The following HEATR4 variants were observed in gnomAD, a reference collection of about 807,000 sequenced individuals.
The protein encoded by HEATR4 is HEAT repeat-containing protein 4.
Under a neutral mutation model 108.8 loss-of-function variants are expected in HEATR4, and 95 were observed. The ratio of observed to expected loss-of-function variants is 0.87; its 90% CI spans 0.74 to 1.04. HEATR4 has a LOEUF of 1.04. HEATR4 is among the 50% of genes least tolerant of loss of function. The pLI is 0.00. For missense variants in HEATR4, 1,152 were observed against 1,253.8 expected, an observed-to-expected ratio of 0.92 and a Z score of 1.23; for synonymous variants, 443 against 459.4, an observed-to-expected ratio of 0.96 and a Z score of 0.46.
At chr14:73,624,749 G>A in the HEATR4 span, among the ~76,000 whole-genome samples, 1 of 152,206 alleles carries the variant, frequency 6.6e-6, no homozygotes, top group African/African-American at 2.4e-5. Context: ...TTAGTAAGTA[G>A]TGCAGCCTGG....
In HEATR4 at chr14:73,498,246, G is replaced by C. The variant is rs746016844; in HGVS notation, c.2455C>G (p.Arg819Gly). Residue 819 changes from arginine (R) to glycine (G), a missense_variant, in exon 14 of 18, where the codon CGT becomes GGT. Coordinates refer to ENST00000553558, the MANE Select transcript of HEATR4 (RefSeq NM_001220484.1). ...ESPGVRLEAC[R>G]SILALKLQGD... ...TGAAGTTTCAGGGCTAGGATGCTACGGCAAGCTTCCAGCCGTACACCTGGT... is the reference window on the plus strand; with the variant it reads ...TGAAGTTTCAGGGCTAGGATGCTACCGCAAGCTTCCAGCCGTACACCTGGT... 1 of 1,614,102 alleles carries C rather than the reference G, an allele frequency of 6.2e-7. No individual in the cohort carries two copies. Among genetic ancestry groups the C allele is most frequent in the South Asian group, 1.1e-5 (1 of 91,062 alleles).
In HEATR4 at chr14:73,546,231, T is replaced by C. The variant is rs1323139353; in HGVS notation, c.-152+12520A>G. 1.7e-5 allele frequency among the ~76,000 whole-genome samples: 2 copies of C among 114,436 alleles called. 1 individual carries two copies. Among genetic ancestry groups the C allele is most frequent in the African/African-American group, 5.7e-5 (2 of 35,290 alleles). The allele number at this position is 114,436 out of a possible 152,430, so 75.1% of individuals were successfully genotyped here. ...CCTGACCTCAGGTGATACACCCGGCTTGGCCTCCCAAAGTGCCAGGATTAT... is the reference window on the plus strand; with the variant it reads ...CCTGACCTCAGGTGATACACCCGGCCTGGCCTCCCAAAGTGCCAGGATTAT... On this transcript the variant is annotated intron_variant, in intron 1 of 17. Coordinates refer to ENST00000553558, the MANE Select transcript of HEATR4 (RefSeq NM_001220484.1).
rs1460077372 is a variant in HEATR4, at chr14:73,538,682, AAAC to A, written c.-151-8441_-151-8439del. Reference sequence around the variant, plus strand: ...CATAATATTAAAAACAAACAAAACAAAACAAAAAAAACAGGCCGGACGCGGTGG... The same window carrying A: ...CATAATATTAAAAACAAACAAAACAAAAAAAAAACAGGCCGGACGCGGTGG... On this transcript the variant is annotated intron_variant, in intron 1 of 17. Coordinates refer to ENST00000553558, the MANE Select transcript of HEATR4 (RefSeq NM_001220484.1). Among the ~76,000 whole-genome samples the A allele has an allele frequency of 1.4e-4, 16 of 112,074 alleles. 4 individuals carry two copies. The highest frequency in any genetic ancestry group is 4.6e-4 in the African/African-American group (16 of 34,444). The allele number at this position is 112,074 out of a possible 152,430, so 73.5% of individuals were successfully genotyped here. A position where few individuals can be genotyped will look rare whatever the true frequency, so the allele number is the denominator to read the frequency against.
At chr14:73,515,075 A>C (rs1392291627) in intron 5 of HEATR4, among the ~76,000 whole-genome samples, 1 of 151,846 alleles carries the variant, frequency 6.6e-6, no homozygotes, top group Non-Finnish European at 1.5e-5. Flanking sequence ...TCTCAAAAAA[A>C]AAAAACAAAA....
the HEATR4 span, chr14:73,611,744 C>T: frequency 3.9e-5 from 6 of 152,160 alleles, no homozygotes. Flanking sequence ...TGCTAAAGAT[C>T]ACCAGGTATT....
the HEATR4 span, among the ~76,000 whole-genome samples, chr14:73,597,839 G>C: frequency 6.6e-6 from 1 of 151,328 alleles, no homozygotes; most frequent in Non-Finnish European, 1.5e-5. Flanking sequence ...TGATCCATCT[G>C]CCTCGGCTTC....
chr14:73,608,812 A>T, the HEATR4 span, among the ~76,000 whole-genome samples: 1 of 152,210 alleles, frequency 6.6e-6, no homozygotes, highest in South Asian at 2.1e-4. Flanking sequence ...TAATTGACTC[A>T]CAGTTCAGCA....
At chr14:73,582,525 G>T in the HEATR4 span, 1 of 151,692 alleles carries the variant, frequency 6.6e-6, no homozygotes, top group Admixed American at 6.6e-5. Flanking sequence ...AAGCAAAGCT[G>T]TCTTCATTAG....
intron 1 of HEATR4, chr14:73,541,598 T>G: frequency 8.0e-7 from 1 of 1,244,266 alleles, no homozygotes; most frequent in Non-Finnish European, 1.1e-6. Flanking sequence ...GTGATGGCTC[T>G]GGCTTACTAT....
chr14:73,625,765 T>C, the HEATR4 span, among the ~76,000 whole-genome samples: 2,380 of 152,290 alleles, frequency 0.016, 53 homozygotes, highest in African/African-American at 0.051. Flanking sequence ...ACTTAATAAA[T>C]GTTGTGTGTG....
chr14:73,486,439 C>T lies in HEATR4; in HGVS notation c.2844+6627G>A, dbSNP rs767041785. Among the ~76,000 whole-genome samples the T allele has an allele frequency of 3.3e-5, 5 of 152,014 alleles. No individual in the cohort carries two copies. In the South Asian group the frequency reaches 8.3e-4, roughly 25 times the overall value. ...GAGGCTGGGTGTGGTGGCTCACGCC[C>T]GTAATTCCAGCACTTTGGGAGACTG... is the stretch of plus-strand genomic sequence containing the variant. On this transcript the variant is annotated intron_variant, in intron 17 of 17. Transcript: ENST00000553558.
the HEATR4 span, among the ~76,000 whole-genome samples, chr14:73,607,457 T>G: frequency 6.6e-6 from 1 of 152,166 alleles, no homozygotes; most frequent in Non-Finnish European, 1.5e-5. Flanking sequence ...ATTTTTCCCT[T>G]CTAGGCCTCC....
rs1426146175 is a variant in HEATR4, at chr14:73,532,124, G to A, written c.-151-1880C>T. Among the ~76,000 whole-genome samples the A allele has an allele frequency of 1.7e-5, 2 of 116,030 alleles. 1 individual carries two copies. The highest frequency in any genetic ancestry group is 3.8e-5 in the Non-Finnish European group (2 of 53,108). The allele number at this position is 116,030 out of a possible 152,430, so 76.1% of individuals were successfully genotyped here. A position where few individuals can be genotyped will look rare whatever the true frequency, so the allele number is the denominator to read the frequency against. ...TAAATCCTGAGAAAGAGGCAAAGCAGGGAACACATGACCACATAGCTCTGG... is the reference window on the plus strand; with the variant it reads ...TAAATCCTGAGAAAGAGGCAAAGCAAGGAACACATGACCACATAGCTCTGG... On this transcript the variant is annotated intron_variant, in intron 1 of 17. Coordinates refer to ENST00000553558, the MANE Select transcript of HEATR4 (RefSeq NM_001220484.1).
Position 73,531,946 on chromosome 14 carries a change from C to T in HEATR4, c.-151-1702G>A, listed in dbSNP as rs1888720930. 4.4e-5 allele frequency among the ~76,000 whole-genome samples: 5 copies of T among 114,400 alleles called. 2 individuals are homozygous for T. The allele number at this position is 114,400 out of a possible 152,430, so 75.1% of individuals were successfully genotyped here. A position where few individuals can be genotyped will look rare whatever the true frequency, so the allele number is the denominator to read the frequency against. On this transcript the variant is annotated intron_variant, in intron 1 of 17. Coordinates refer to ENST00000553558, the MANE Select transcript of HEATR4 (RefSeq NM_001220484.1). Reference sequence around the variant, plus strand: ...ACTTGGGAGGCTGAGGCAGGAGAATCGCCTGGACCCAGGAAGCAGAGGTTG... The same window carrying T: ...ACTTGGGAGGCTGAGGCAGGAGAATTGCCTGGACCCAGGAAGCAGAGGTTG...
chr14:73,509,864 ATATATTTATTTATT>A (rs1887122266), intron 7 of HEATR4, among the ~76,000 whole-genome samples: 3 of 67,830 alleles, frequency 4.4e-5, no homozygotes, highest in Non-Finnish European at 9.0e-5. Context: ...ATATATATAT[ATATATTTATTTATT>A]TTATATATTT....
intron 1 of HEATR4, among the ~76,000 whole-genome samples, chr14:73,546,607 G>T (rs1221782856): frequency 8.8e-6 from 1 of 114,258 alleles, no homozygotes; most frequent in African/African-American, 2.8e-5. Flanking sequence ...CAAGCAGTCT[G>T]TCCATCTTGG....
the HEATR4 span, chr14:73,569,769 G>A: frequency 5.0e-6 from 8 of 1,607,352 alleles, no homozygotes; most frequent in Non-Finnish European, 5.9e-6. Flanking sequence ...CCACGACCCC[G>A]ACCCCGGGCG....
the HEATR4 span, among the ~76,000 whole-genome samples, chr14:73,606,147 G>A: frequency 3.0e-3 from 449 of 151,906 alleles, 3 homozygotes; most frequent in African/African-American, 0.011. Context: ...CCCTGACGTC[G>A]GGAGTTCAAG....
intron 1 of HEATR4, among the ~76,000 whole-genome samples, chr14:73,556,069 T>A (rs1397848866): frequency 8.7e-6 from 1 of 114,324 alleles, no homozygotes; most frequent in Non-Finnish European, 1.9e-5. Context: ...ACATAAAGAA[T>A]CTTTAGTTAC....
Sources: allele counts gnomAD v4.1 joint callset (sites outside exome capture counted in the v4.1 genomes callset), GRCh38; gene constraint gnomAD v4.1.1; transcripts MANE v1.5; gene names NCBI Gene and HGNC (gene_info 2026-07-23, HGNC 2026-07-21).